The following ANXA7 variants were observed in gnomAD, a reference collection of about 807,000 sequenced individuals.
ANXA7 encodes the protein annexin VII.
A neutral mutation model predicts 64.9 loss-of-function variants in ANXA7; 55 were observed. The ratio of observed to expected loss-of-function variants is 0.85; its 90% CI spans 0.68 to 1.06. ANXA7 has a LOEUF of 1.06. Ranked by LOEUF, ANXA7 falls within the 50% of genes least tolerant of loss-of-function variation. The pLI is 0.00. For synonymous variants in ANXA7, 200 were observed against 192.4 expected (o/e 1.04, Z -0.33); for missense variants, 548 against 582.1 (o/e 0.94, Z 0.60).
chr10:73,392,504 C>T (rs536844961), intron 5 of ANXA7, among the ~76,000 whole-genome samples: 57 of 152,216 alleles, frequency 3.7e-4, no homozygotes, highest in African/African-American at 1.2e-3. Flanking sequence ...TTATCCATCA[C>T]GATCAAGTTG....
chr10:73,386,694 G>A (rs762034464), intron 7 of ANXA7, among the ~76,000 whole-genome samples: 8 of 152,012 alleles, frequency 5.3e-5, no homozygotes, highest in Admixed American at 1.3e-4. Context: ...TTGAGACAGC[G>A]TCTTGTTCTG....
intron 1 of ANXA7, among the ~76,000 whole-genome samples, chr10:73,412,371 A>G (rs559170907): frequency 5.3e-5 from 8 of 152,058 alleles, no homozygotes; most frequent in African/African-American, 1.9e-4. Flanking sequence ...CCCTTTTAGA[A>G]TTGTACATAT....
At chr10:73,379,516 C>T (rs903987755) in intron 11 of ANXA7, among the ~76,000 whole-genome samples, 1 of 152,164 alleles carries the variant, frequency 6.6e-6, no homozygotes, top group Admixed American at 6.5e-5. Context: ...CAAACTGCTT[C>T]GTGGTGACAC....
intron 1 of ANXA7, among the ~76,000 whole-genome samples, chr10:73,408,723 C>T (rs1190881244): frequency 6.6e-6 from 1 of 151,968 alleles, no homozygotes; most frequent in Non-Finnish European, 1.5e-5. Flanking sequence ...CAGGAATGTA[C>T]CTTATAGAAA....
At chr10:73,402,477 C>T (rs1328341265) in intron 1 of ANXA7, among the ~76,000 whole-genome samples, 2 of 152,194 alleles carry the variant, frequency 1.3e-5, no homozygotes, top group African/African-American at 4.8e-5. Context: ...GCTGGGATTA[C>T]AGGCCTAGCC....
rs543788836 is a variant in ANXA7 at position 73,379,710 on chromosome 10, C to T, written c.1165+169G>A. ...AAAAACACAGGACTGTTTCTGGGGG[C>T]TTATCCAATAAAGAAAACAAACAAC... On this transcript the variant is annotated intron_variant, in intron 11 of 12. Coordinates refer to ENST00000372921, the MANE Select transcript of ANXA7 (RefSeq NM_001156.5). The T allele has an allele frequency of 2.2e-5, 15 of 674,764 alleles. No individual in the cohort carries two copies. The East Asian group carries it at 3.6e-4, about 16-fold the overall frequency. The allele number at this position is 674,764 out of a possible 1,614,324, so 41.8% of individuals were successfully genotyped here. A position where few individuals can be genotyped will look rare whatever the true frequency, so the allele number is the denominator to read the frequency against.
At chr10:73,411,951 T>C (rs1174804590) in intron 1 of ANXA7, among the ~76,000 whole-genome samples, 4 of 151,830 alleles carry the variant, frequency 2.6e-5, no homozygotes, top group Admixed American at 6.6e-5. Flanking sequence ...ACTTATAGAA[T>C]ATCCCTGAAA....
Position 73,397,177 on chromosome 10 carries a change from C to A in ANXA7, c.357G>T (p.Gln119His). The A allele has an allele frequency of 6.3e-7, 1 of 1,595,422 alleles. No individual in the cohort carries two copies. The highest frequency in any genetic ancestry group is 1.2e-5 in the South Asian group (1 of 86,806). ...PSQSYGGGPA[Q>H]VPLPGGFPGG... Reference sequence around the variant, plus strand: ...GCTGGTACCTACCAGGTAGTGGAACCTGTGCTGGACCACCTCCATAAGACT... The same window carrying A: ...GCTGGTACCTACCAGGTAGTGGAACATGTGCTGGACCACCTCCATAAGACT... Residue 119 changes from glutamine (Q) to histidine (H), a missense_variant, in exon 4 of 13, where the codon CAG becomes CAT. Transcript: ENST00000372921.
At chr10:73,393,440 G>A (rs541790990) in intron 5 of ANXA7, among the ~76,000 whole-genome samples, 16 of 152,178 alleles carry the variant, frequency 1.1e-4, no homozygotes, top group Admixed American at 4.6e-4. Context: ...GAGGCATCAC[G>A]CTACCTGACT....
intron 2 of ANXA7, 97 bp from the exon 3 acceptor site, chr10:73,398,482 C>T (rs2132685463): frequency 1.8e-6 from 2 of 1,101,010 alleles, no homozygotes; most frequent in South Asian, 3.2e-5. Flanking sequence ...TAAGGTCTAC[C>T]TCATTCTTTT....
At chr10:73,395,683 G>A (rs562646599) in intron 5 of ANXA7, among the ~76,000 whole-genome samples, 1 of 152,212 alleles carries the variant, frequency 6.6e-6, no homozygotes, top group African/African-American at 2.4e-5. Context: ...TTACTCCGGA[G>A]GCTGAGGCAG....
chr10:73,414,003 G>C lies in ANXA7; in HGVS notation c.-2+9C>G, dbSNP rs1035931014. The C allele has an allele frequency of 1.3e-5, 2 of 152,410 alleles. No individual in the cohort carries two copies. Among genetic ancestry groups the C allele is most frequent in the Non-Finnish European group, 2.9e-5 (2 of 68,220 alleles). 9.4% of individuals were successfully genotyped at this position (152,410 alleles called of 1,614,324 possible). A position where few individuals can be genotyped will look rare whatever the true frequency, so the allele number is the denominator to read the frequency against. Reference sequence around the variant, plus strand: ...GAGGTGGGAAAGGGAGGGGGGCGCCGCTCCTCACCTGACCCCAGCAGCAGC... The same window carrying C: ...GAGGTGGGAAAGGGAGGGGGGCGCCCCTCCTCACCTGACCCCAGCAGCAGC... On this transcript the variant is annotated intron_variant, in intron 1 of 12. Coordinates refer to ENST00000372921, the MANE Select transcript of ANXA7 (RefSeq NM_001156.5).
chr10:73,378,591 T>C (rs908239246), intron 12 of ANXA7, among the ~76,000 whole-genome samples: 2 of 152,168 alleles, frequency 1.3e-5, no homozygotes, highest in East Asian at 1.9e-4. Context: ...AGGCCTTTCA[T>C]CTAATTTTTA....
intron 5 of ANXA7, among the ~76,000 whole-genome samples, chr10:73,388,980 G>A (rs1030870222): frequency 6.6e-6 from 1 of 152,056 alleles, no homozygotes; most frequent in Non-Finnish European, 1.5e-5. Flanking sequence ...ATCAACAGTG[G>A]GTGCTAAAAT....
intron 1 of ANXA7, among the ~76,000 whole-genome samples, chr10:73,405,240 CAA>C (rs796132395): frequency 4.6e-4 from 33 of 71,574 alleles, no homozygotes; most frequent in Admixed American, 9.2e-4. Context: ...AATACTGTCT[CAA>C]AAAAAAAAAA....
intron 1 of ANXA7, among the ~76,000 whole-genome samples, chr10:73,401,527 T>C (rs2055664848): frequency 1.3e-5 from 2 of 151,322 alleles, no homozygotes; most frequent in African/African-American, 2.4e-5. Flanking sequence ...GGAGACGGAG[T>C]CTCACCCTGT....
chr10:73,383,821 A>T, intron 7 of ANXA7, 131 bp from the exon 8 acceptor site: 1 of 676,118 alleles, frequency 1.5e-6, no homozygotes. Context: ...GAATGTTAAT[A>T]TACTAAGAAG....
chr10:73,383,711 G>A lies in ANXA7; in HGVS notation c.634-21C>T, dbSNP rs372263988. Reference sequence around the variant, plus strand: ...AAATCCTATTTAATCACAAATACAAGCTAAGTATATGTGTTCTCCAAATTT... The same window carrying A: ...AAATCCTATTTAATCACAAATACAAACTAAGTATATGTGTTCTCCAAATTT... On this transcript the variant is annotated intron_variant, in intron 7 of 12. Transcript: ENST00000372921. 2,022 of 1,464,944 alleles carry A rather than the reference G, an allele frequency of 1.4e-3. 5 individuals are homozygous for A. The highest frequency in any genetic ancestry group is 1.7e-3 in the Non-Finnish European group (1,796 of 1,047,428). The allele number at this position is 1,464,944 out of a possible 1,614,324, so 90.7% of individuals were successfully genotyped here.
chr10:73,388,921 A>T (rs1205503751), intron 5 of ANXA7, among the ~76,000 whole-genome samples: 1 of 152,250 alleles, frequency 6.6e-6, no homozygotes, highest in Non-Finnish European at 1.5e-5. Context: ...TATGAAAATT[A>T]AAAATTGCCA....
Sources: gnomAD v4.1 joint callset for allele counts (sites outside exome capture counted in the v4.1 genomes callset) on GRCh38, gnomAD v4.1.1 for gene constraint, MANE v1.5 for transcripts, NCBI Gene and HGNC (gene_info 2026-07-23, HGNC 2026-07-21) for gene names.